TRIM63: variants seen among roughly 807,000 people sequenced by gnomAD.
TRIM63 encodes E3 ubiquitin-protein ligase TRIM63.
TRIM63 carries 48 observed loss-of-function variants against 46.0 expected under a neutral mutation model. The observed-to-expected ratio is 1.04, with a 90% CI of 0.83 to 1.33. The LOEUF is 1.33. Among genes scored for constraint, TRIM63 ranks in the 40% most tolerant of loss-of-function variants. The pLI, the probability that TRIM63 is intolerant of heterozygous loss-of-function variation, is 0.00. For synonymous variants in TRIM63, 175 were observed against 162.8 expected, an observed-to-expected ratio of 1.08 and a Z score of -0.57; for missense variants, 455 against 441.2, an observed-to-expected ratio of 1.03 and a Z score of -0.28.
chr1:26,063,190 C>T (rs1044465351), intron 2 of TRIM63, among the ~76,000 whole-genome samples: 4 of 152,162 alleles, frequency 2.6e-5, no homozygotes, highest in Non-Finnish European at 5.9e-5. Flanking sequence ...CTACCTCAGT[C>T]TCCCCAGTAG....
intron 7 of TRIM63, among the ~76,000 whole-genome samples, chr1:26,055,994 C>T (rs1217708572): frequency 1.3e-5 from 2 of 152,150 alleles, no homozygotes; most frequent in East Asian, 1.9e-4. Context: ...TGTAGGAGAG[C>T]GACACAGGAG....
chr1:26,062,601 T>C (rs1422589821), intron 2 of TRIM63, among the ~76,000 whole-genome samples: 1 of 152,180 alleles, frequency 6.6e-6, no homozygotes, highest in Non-Finnish European at 1.5e-5. Context: ...AAGCCTGACT[T>C]CTAGTCCAGA....
intron 4 of TRIM63, among the ~76,000 whole-genome samples, 191 bp from the exon 5 acceptor site, chr1:26,058,814 C>T (rs999347826): frequency 4.6e-5 from 7 of 152,140 alleles, no homozygotes; most frequent in Admixed American, 3.9e-4. Flanking sequence ...CTATTTAGTA[C>T]GCCAGTGATA....
chr1:26,064,283 T>G (rs1248283716), intron 2 of TRIM63, among the ~76,000 whole-genome samples: 1 of 151,908 alleles, frequency 6.6e-6, no homozygotes. Flanking sequence ...ATATAATAAT[T>G]AGCTGGGCAC....
chr1:26,060,559 C>T (rs1170669661), intron 3 of TRIM63, among the ~76,000 whole-genome samples, 198 bp from the exon 4 acceptor site: 71 of 152,274 alleles, frequency 4.7e-4, no homozygotes, highest in Admixed American at 3.8e-3. Flanking sequence ...CCTTATTTTA[C>T]AGGTGAGGCC....
Position 26,058,593 on chromosome 1 carries a change from T to C in TRIM63, c.628A>G (p.Ser210Gly). The C allele has an allele frequency of 6.2e-7, 1 of 1,614,184 alleles. No homozygotes were observed. The highest frequency in any genetic ancestry group is 1.7e-5 in the Admixed American group (1 of 60,018). Residue 210 changes from serine (S) to glycine (G), a missense_variant, in exon 5 of 9, where the codon AGC becomes GGC. Ser to Gly is a moderately conservative substitution (Grantham distance 56). Transcript: ENST00000374272. ...ENSHQVKEELSQKFDTLYAIL... is the reference protein window; with the variant it reads ...ENSHQVKEELGQKFDTLYAIL... ...GCATACAACGTGTCAAACTTCTGGC[T>C]CAGCTCTTCCTTTACCTGGTGACTG...
intron 7 of TRIM63, 126 bp downstream of exon 7, chr1:26,057,063 AGAAGTTGGCTATAT>A (rs1412480734): frequency 1.3e-5 from 15 of 1,122,616 alleles, no homozygotes; most frequent in East Asian, 5.5e-5. Flanking sequence ...ACAGCCGGCC[AGAAGTTGGCTATAT>A]GAGTTTGATT....
At chr1:26,052,911 TA>T (rs1003299478) in intron 8 of TRIM63, among the ~76,000 whole-genome samples, 4 of 152,094 alleles carry the variant, frequency 2.6e-5, no homozygotes, top group African/African-American at 4.8e-5. Context: ...TCTTAACCCT[TA>T]AAAAAAACCT....
rs111654992 is a variant in TRIM63, at chr1:26,067,325, C to A, written c.159+11G>T. 29 of 1,613,224 alleles carry A rather than the reference C, an allele frequency of 1.8e-5. No homozygotes were observed. The African/African-American group carries it at 2.1e-4, about 12-fold the overall frequency. ...CTGGGGACCCCAAATGAAGCTGCAC[C>A]CGGCACTTACCTGGAAGATGTCATT... On this transcript the variant is annotated intron_variant, in intron 1 of 8. Transcript: ENST00000374272.
intron 8 of TRIM63, among the ~76,000 whole-genome samples, chr1:26,052,940 C>T (rs1215548055): frequency 6.6e-6 from 1 of 152,188 alleles, no homozygotes; most frequent in South Asian, 2.1e-4. Context: ...AAAATGTTAG[C>T]AATTAATTTT....
rs2275948 is a variant in TRIM63 at position 26,060,503 on chromosome 1, G to C, written c.502-142C>G. The C allele has an allele frequency of 2.1e-3, 1,337 of 623,490 alleles. 22 individuals carry two copies. In the East Asian group the frequency reaches 0.031, roughly 14 times the overall value. The allele number at this position is 623,490 out of a possible 1,614,324, so 38.6% of individuals were successfully genotyped here. On this transcript the variant is annotated intron_variant, in intron 3 of 8. Transcript: ENST00000374272. ...AGTAGGGATCTGGCCCCTCTTTCGG[G>C]TATAGCTCAGCTCCAGAGTAGAGGA...
At chr1:26,052,556 C>G (rs976861436) in intron 8 of TRIM63, among the ~76,000 whole-genome samples, 23 of 152,086 alleles carry the variant, frequency 1.5e-4, no homozygotes, top group Admixed American at 1.3e-3. Flanking sequence ...GCTCCGCCCC[C>G]CTGGGGTTCT....
rs960414556 is a variant in TRIM63, at chr1:26,066,588, TC to T, written c.160-149del. The T allele has an allele frequency of 8.8e-6, 6 of 681,020 alleles. No homozygotes were observed. In the African/African-American group the frequency reaches 1.1e-4, roughly 13 times the overall value. The allele number at this position is 681,020 out of a possible 1,614,324, so 42.2% of individuals were successfully genotyped here. ...CTCTGCAGACTGTGATGAGAACCAG[TC>T]CTCACACACAGAGCACCTGAGAAGC... On this transcript the variant is annotated intron_variant, in intron 1 of 8. Coordinates refer to ENST00000374272, the MANE Select transcript of TRIM63 (RefSeq NM_032588.4).
At chr1:26,057,508 A>G (rs2124437894) in intron 6 of TRIM63, 120 bp downstream of exon 6, 1 of 1,409,324 alleles carries the variant, frequency 7.1e-7, no homozygotes, top group Non-Finnish European at 9.6e-7. Context: ...GCAAAGGGTC[A>G]GGGAAGCCAG....
intron 8 of TRIM63, among the ~76,000 whole-genome samples, chr1:26,053,307 C>T (rs2050538646): frequency 6.6e-6 from 1 of 152,138 alleles, no homozygotes; most frequent in African/African-American, 2.4e-5. Flanking sequence ...GGCTGGAGTG[C>T]AGTGGCACGA....
In TRIM63 at chr1:26,066,339, G is replaced by C. The variant is rs781192996; in HGVS notation, c.261C>G (p.His87Gln). The C allele has an allele frequency of 9.3e-6, 15 of 1,614,026 alleles. No individual in the cohort carries two copies. The Admixed American group carries it at 2.2e-4, about 23-fold the overall frequency. ...GGTTCCTCTGCAGGCCGTACACTCCGTGACGATCCATGATCACCTCGTGGC... is the reference window on the plus strand; with the variant it reads ...GGTTCCTCTGCAGGCCGTACACTCCCTGACGATCCATGATCACCTCGTGGC... Reference protein sequence around the residue: ...TCRHEVIMDRHGVYGLQRNLL... With the variant: ...TCRHEVIMDRQGVYGLQRNLL... Residue 87 changes from histidine (H) to glutamine (Q), a missense_variant, in exon 2 of 9, where the codon CAC becomes CAG. By Grantham distance (24) the His-to-Gln change is conservative. Coordinates refer to ENST00000374272, the MANE Select transcript of TRIM63 (RefSeq NM_032588.4).
At chr1:26,052,842 T>A (rs1284104658) in intron 8 of TRIM63, among the ~76,000 whole-genome samples, 1 of 152,218 alleles carries the variant, frequency 6.6e-6, no homozygotes, top group Admixed American at 6.5e-5. Context: ...CCAGCATTGT[T>A]TGCTTTTTCT....
intron 2 of TRIM63, among the ~76,000 whole-genome samples, chr1:26,064,045 C>T (rs2050651338): frequency 6.6e-6 from 1 of 152,250 alleles, no homozygotes; most frequent in Admixed American, 6.5e-5. Context: ...CCTGTAATGC[C>T]AGAACTTTGG....
At chr1:26,065,599 G>T (rs1324931471) in intron 2 of TRIM63, among the ~76,000 whole-genome samples, 2 of 152,168 alleles carry the variant, frequency 1.3e-5, no homozygotes, top group African/African-American at 4.8e-5. Flanking sequence ...GAGCCACCAT[G>T]CCTGGCCCTC....
Sources: gnomAD v4.1 joint callset for allele counts (sites outside exome capture counted in the v4.1 genomes callset) on GRCh38, gnomAD v4.1.1 for gene constraint, MANE v1.5 for transcripts, NCBI Gene and HGNC (gene_info 2026-07-23, HGNC 2026-07-21) for gene names.